MACROD2: variants seen among roughly 807,000 people sequenced by gnomAD.
MACROD2 encodes mono-ADP ribosylhydrolase 2, also known as ADP-ribose glycohydrolase MACROD2.
Under a neutral mutation model 70.4 loss-of-function variants are expected in MACROD2, and 36 were observed. The ratio of observed to expected loss-of-function variants is 0.51; its 90% confidence interval spans 0.39 to 0.68. The LOEUF (loss-of-function observed/expected upper bound fraction) is 0.68. Ranked by LOEUF, MACROD2 falls within the 30% of genes least tolerant of loss-of-function variation. The pLI is 0.00. For synonymous variants in MACROD2, 172 were observed against 178.8 expected (o/e 0.96, Z 0.30); for missense variants, 496 against 538.4 (o/e 0.92, Z 0.78).
At chr20:15,908,710 C>T (rs1051371469) in intron 10 of MACROD2, among the ~76,000 whole-genome samples, 11 of 152,120 alleles carry the variant, frequency 7.2e-5, no homozygotes, top group African/African-American at 1.2e-4. Flanking sequence ...TGCACCTTTG[C>T]GGTGGTGGTT....
At chr20:14,283,246 T>G (rs568941403) in intron 3 of MACROD2, among the ~76,000 whole-genome samples, 1 of 152,338 alleles carries the variant, frequency 6.6e-6, no homozygotes, top group South Asian at 2.1e-4. Flanking sequence ...TATTTAAAAT[T>G]TATTGTCAAA....
rs1170533352 is a variant in MACROD2, at chr20:14,532,218, C to CTTT, written c.301+38726_301+38728dup. On this transcript the variant is annotated intron_variant, in intron 4 of 17. Coordinates refer to ENST00000684519, the MANE Select transcript of MACROD2 (RefSeq NM_001351661.2). ...CACAAAACAATCCTGTATAACTAAT[C>CTTT]TTTTTTTTTTTTTTTTTTGAGATGG... Among the ~76,000 whole-genome samples, 301 of 131,454 alleles carry CTTT rather than the reference C, an allele frequency of 2.3e-3. 6 individuals carry two copies. The highest frequency in any genetic ancestry group is 8.7e-3 in the African/African-American group (286 of 32,992). The allele number at this position is 131,454 out of a possible 152,430, so 86.2% of individuals were successfully genotyped here. A position where few individuals can be genotyped will look rare whatever the true frequency, so the allele number is the denominator to read the frequency against.
At chr20:15,498,999 A>G (rs1176313769) in intron 7 of MACROD2, among the ~76,000 whole-genome samples, 1 of 152,152 alleles carries the variant, frequency 6.6e-6, no homozygotes. Context: ...CTGCTCTGTA[A>G]ATATATACAT....
At chr20:15,831,750 T>C (rs1416813771) in intron 8 of MACROD2, among the ~76,000 whole-genome samples, 1 of 152,132 alleles carries the variant, frequency 6.6e-6, no homozygotes, top group Non-Finnish European at 1.5e-5. Context: ...CACCTGACTG[T>C]TGTGACCTAG....
At chr20:15,928,335 A>C (rs1312935871) in intron 10 of MACROD2, among the ~76,000 whole-genome samples, 1 of 152,242 alleles carries the variant, frequency 6.6e-6, no homozygotes, top group African/African-American at 2.4e-5. Flanking sequence ...GAGTTGTAGC[A>C]CTGCACTCAC....
intron 6 of MACROD2, among the ~76,000 whole-genome samples, chr20:15,380,650 A>G (rs1600323452): frequency 6.6e-6 from 1 of 152,178 alleles, no homozygotes; most frequent in Non-Finnish European, 1.5e-5. Flanking sequence ...ATATCTTCCC[A>G]ACTCTGTTTT....
chr20:14,037,644 TG>T (rs34385323), intron 2 of MACROD2, among the ~76,000 whole-genome samples: 65,081 of 151,622 alleles, frequency 0.43, 14,746 homozygotes, highest in African/African-American at 0.58. Flanking sequence ...TGTGTGTTGG[TG>T]GGGGGGGTAG....
intron 8 of MACROD2, among the ~76,000 whole-genome samples, chr20:15,707,552 G>A (rs745942279): frequency 3.3e-5 from 5 of 152,208 alleles, no homozygotes; most frequent in Non-Finnish European, 7.3e-5. Flanking sequence ...GGGAGGCCAA[G>A]TCGGGCGGAT....
intron 5 of MACROD2, among the ~76,000 whole-genome samples, chr20:14,907,320 A>G (rs1410534799): frequency 1.3e-5 from 2 of 152,230 alleles, no homozygotes; most frequent in African/African-American, 4.8e-5. Flanking sequence ...TGCAAGGAGC[A>G]GTGCCTCTGC....
intron 5 of MACROD2, among the ~76,000 whole-genome samples, chr20:15,146,319 T>C (rs1420940631): frequency 6.6e-6 from 1 of 152,156 alleles, no homozygotes; most frequent in Admixed American, 6.5e-5. Flanking sequence ...GGAGTATCTG[T>C]GTTGAGTGTT....
chr20:15,789,948 T>C (rs2063609555), intron 8 of MACROD2, among the ~76,000 whole-genome samples: 1 of 152,002 alleles, frequency 6.6e-6, no homozygotes, highest in Admixed American at 6.6e-5. Flanking sequence ...TAGAAAATTA[T>C]TAAAAAGGTA....
rs148112182 is a variant in MACROD2, at chr20:14,667,817, T to C, written c.302-17026T>C. 1.2e-3 allele frequency among the ~76,000 whole-genome samples: 176 copies of C among 152,268 alleles called. 3 individuals carry two copies. Among genetic ancestry groups the C allele is most frequent in the Admixed American group, 9.6e-3 (147 of 15,276 alleles). On this transcript the variant is annotated intron_variant, in intron 4 of 17. Transcript: ENST00000684519. ...CTCTCCTATAGCCACTGCCACTCAT[T>C]CTGCCCCTGTATTTTAAATTTTTAG...
chr20:14,939,840 T>G (rs2074374436), intron 5 of MACROD2, among the ~76,000 whole-genome samples: 1 of 152,084 alleles, frequency 6.6e-6, no homozygotes. Context: ...AATTGATTCC[T>G]AAGTATTTTA....
At chr20:15,937,671 A>G (rs1333242818) in intron 12 of MACROD2, 127 bp downstream of exon 12, 8 of 750,108 alleles carry the variant, frequency 1.1e-5, no homozygotes, top group African/African-American at 5.2e-5. Context: ...TCTGTTTCCA[A>G]TATAATTGAC....
At chr20:15,485,553 TC>T (rs2047153242) in intron 7 of MACROD2, among the ~76,000 whole-genome samples, 2 of 152,152 alleles carry the variant, frequency 1.3e-5, no homozygotes, top group Non-Finnish European at 2.9e-5. Context: ...ACAAACTTGG[TC>T]CAGAGCTCAT....
At chr20:14,018,599 C>T (rs1159366772) in intron 2 of MACROD2, among the ~76,000 whole-genome samples, 1 of 152,074 alleles carries the variant, frequency 6.6e-6, no homozygotes, top group East Asian at 1.9e-4. Flanking sequence ...CTAAATTCTG[C>T]TTTTGAACCC....
chr20:14,179,853 C>G (rs1455342445), intron 3 of MACROD2, among the ~76,000 whole-genome samples: 1 of 152,096 alleles, frequency 6.6e-6, no homozygotes, highest in Non-Finnish European at 1.5e-5. Context: ...GATGCTCAGA[C>G]TAGATAGTGT....
chr20:14,142,640 G>C (rs2054892281), intron 3 of MACROD2, among the ~76,000 whole-genome samples: 1 of 152,064 alleles, frequency 6.6e-6, no homozygotes, highest in African/African-American at 2.4e-5. Flanking sequence ...AAAAAATTTG[G>C]TATCAATAGC....
chr20:16,010,657 C>T (rs2066851409), intron 15 of MACROD2, among the ~76,000 whole-genome samples: 1 of 152,160 alleles, frequency 6.6e-6, no homozygotes, highest in Non-Finnish European at 1.5e-5. Context: ...GTGTGGTGTG[C>T]TGATTCTGGC....
Sources: allele counts gnomAD v4.1 joint callset (sites outside exome capture counted in the v4.1 genomes callset), GRCh38; gene constraint gnomAD v4.1.1; transcripts MANE v1.5; gene names NCBI Gene and HGNC (gene_info 2026-07-23, HGNC 2026-07-21).